NPAS3: variants seen among roughly 807,000 people sequenced by gnomAD.
The protein encoded by NPAS3 is neuronal PAS domain-containing protein 3.
In NPAS3, 14 loss-of-function variants were observed where a neutral mutation model predicts 73.1. The observed-to-expected ratio is 0.19, with a 90% CI of 0.13 to 0.30. The LOEUF (loss-of-function observed/expected upper bound fraction) is 0.30, where lower values mean the gene tolerates loss of function less well. Among genes scored for constraint, NPAS3 ranks in the 10% least tolerant of loss-of-function variants. The pLI is 1.00. For synonymous variants in NPAS3, 620 were observed against 541.5 expected (o/e 1.14, Z -2.01); for missense variants, 1,096 against 1,250.0 (o/e 0.88, Z 1.86).
intron 5 of NPAS3, among the ~76,000 whole-genome samples, chr14:33,662,924 G>T (rs533041023): frequency 3.3e-4 from 43 of 130,238 alleles, no homozygotes; most frequent in African/African-American, 1.2e-3. Flanking sequence ...GCGGTGGCAC[G>T]ATCTCAGCTC....
At chr14:33,254,485 T>C (rs2048703462) in intron 3 of NPAS3, among the ~76,000 whole-genome samples, 2 of 152,124 alleles carry the variant, frequency 1.3e-5, no homozygotes, top group Admixed American at 6.6e-5. Context: ...TCAGCCTGTG[T>C]ACATTTTTAT....
rs144841798 is a variant in NPAS3 at position 33,797,565 on chromosome 14, C to A, written c.1410C>A (p.Asp470Glu). The change falls in exon 11 of 12, where the codon GAC becomes GAA. Residue 470 changes from aspartate to glutamate, a missense_variant. This residue lies in a region of NPAS3 where 114 missense variants were observed against 220.3 expected (regional missense o/e 0.52). Coordinates refer to ENST00000356141, the Ensembl canonical transcript of NPAS3. ...CCGACTCTGAGTCAGACTCTAAAGACACCTCAGGTATTACAGGTATTATTC... is the reference window on the plus strand; with the variant it reads ...CCGACTCTGAGTCAGACTCTAAAGAAACCTCAGGTATTACAGGTATTATTC... 860 of 1,613,974 alleles carry A rather than the reference C, an allele frequency of 5.3e-4. 1 individual carries two copies. The highest frequency in any genetic ancestry group is 6.8e-4 in the Non-Finnish European group (803 of 1,179,946).
chr14:33,545,557 C>CGTGTGT (rs1312936528), intron 4 of NPAS3, among the ~76,000 whole-genome samples: 1 of 152,148 alleles, frequency 6.6e-6, no homozygotes, highest in East Asian at 1.9e-4. Context: ...GTTCAAAGCT[C>CGTGTGT]GTGTGTCCTT....
intron 5 of NPAS3, among the ~76,000 whole-genome samples, chr14:33,662,658 C>T (rs959368933): frequency 6.6e-6 from 1 of 152,050 alleles, no homozygotes; most frequent in Non-Finnish European, 1.5e-5. Context: ...TTGAAGAGGT[C>T]TTTCGCGTCC....
At chr14:33,611,181 C>T (rs1159474810) in intron 5 of NPAS3, 1 of 152,168 alleles carries the variant, frequency 6.6e-6, no homozygotes, top group Non-Finnish European at 1.5e-5. Flanking sequence ...CTATGGCTGC[C>T]ACACAGCACC....
intron 2 of NPAS3, among the ~76,000 whole-genome samples, chr14:33,107,427 T>A (rs570215884): frequency 6.6e-6 from 1 of 152,076 alleles, no homozygotes; most frequent in Non-Finnish European, 1.5e-5. Context: ...TGTCTAGTAG[T>A]TCCCAGTGTC....
intron 4 of NPAS3, among the ~76,000 whole-genome samples, chr14:33,370,878 G>A (rs989637783): frequency 2.6e-5 from 4 of 152,146 alleles, no homozygotes; most frequent in Non-Finnish European, 4.4e-5. Flanking sequence ...GAGAGAAGTC[G>A]AGAGGGATGG....
chr14:33,386,710 A>G (rs2046788846), intron 4 of NPAS3, among the ~76,000 whole-genome samples: 1 of 152,194 alleles, frequency 6.6e-6, no homozygotes. Flanking sequence ...TTTTATCATT[A>G]TAATAGATTT....
intron 1 of NPAS3, among the ~76,000 whole-genome samples, chr14:32,943,604 C>T (rs2036121485): frequency 6.6e-6 from 1 of 152,030 alleles, no homozygotes; most frequent in South Asian, 2.1e-4. Flanking sequence ...TGTAAAGCAA[C>T]ACTTTTGGGG....
At chr14:33,173,617 TATC>T (rs1404009553) in intron 2 of NPAS3, among the ~76,000 whole-genome samples, 3 of 152,214 alleles carry the variant, frequency 2.0e-5, no homozygotes. Context: ...CACCCAATGG[TATC>T]ATACTGAATG....
At chr14:33,670,054 CTT>C (rs2059568393) in intron 5 of NPAS3, among the ~76,000 whole-genome samples, 1 of 152,104 alleles carries the variant, frequency 6.6e-6, no homozygotes, top group African/African-American at 2.4e-5. Context: ...TGCAGTGTCT[CTT>C]TGGGTGCTGC....
At chr14:33,267,357 A>C (rs1236320132) in intron 3 of NPAS3, among the ~76,000 whole-genome samples, 1 of 152,176 alleles carries the variant, frequency 6.6e-6, no homozygotes, top group Non-Finnish European at 1.5e-5. Flanking sequence ...TTTGAAATTT[A>C]ATGCTGCTGA....
intron 5 of NPAS3, among the ~76,000 whole-genome samples, chr14:33,597,990 G>A (rs2057295683): frequency 6.6e-6 from 1 of 152,116 alleles, no homozygotes; most frequent in Non-Finnish European, 1.5e-5. Context: ...TAATTCTGTT[G>A]CAGTCTCTGG....
At chr14:32,986,636 G>A (rs900920620) in intron 1 of NPAS3, among the ~76,000 whole-genome samples, 12 of 151,994 alleles carry the variant, frequency 7.9e-5, no homozygotes, top group African/African-American at 2.2e-4. Context: ...AGTTATTTTC[G>A]GTGTCTCATT....
chr14:33,512,568 G>T (rs138437796), intron 4 of NPAS3, among the ~76,000 whole-genome samples: 37 of 152,176 alleles, frequency 2.4e-4, no homozygotes, highest in African/African-American at 7.9e-4. Flanking sequence ...TCCCTGAGCA[G>T]CTACAGGATA....
chr14:33,437,829 G>C (rs964459903), intron 4 of NPAS3, among the ~76,000 whole-genome samples: 14 of 152,166 alleles, frequency 9.2e-5, no homozygotes, highest in African/African-American at 3.1e-4. Context: ...GATGTGGTAG[G>C]GTAGACCATG....
chr14:33,121,225 C>T (rs10150276), intron 2 of NPAS3, among the ~76,000 whole-genome samples: 2,852 of 152,224 alleles, frequency 0.019, 81 homozygotes, highest in African/African-American at 0.064. Context: ...TGCGATGCTA[C>T]TTCCTCTTCT....
At chr14:32,962,359 G>T (rs1270372524) in intron 1 of NPAS3, among the ~76,000 whole-genome samples, 1 of 151,946 alleles carries the variant, frequency 6.6e-6, no homozygotes, top group East Asian at 1.9e-4. Context: ...CATAAAGCTG[G>T]AACAAGACAA....
chr14:33,626,661 T>C (rs944048418), intron 5 of NPAS3, among the ~76,000 whole-genome samples: 2 of 152,194 alleles, frequency 1.3e-5, no homozygotes, highest in Non-Finnish European at 2.9e-5. Flanking sequence ...ACACCCACCA[T>C]GTGACAGGCA....
Sources: gnomAD v4.1 joint callset for allele counts (sites outside exome capture counted in the v4.1 genomes callset) on GRCh38, gnomAD v4.1.1 for gene constraint, gnomAD v4.1.1 regional missense constraint, MANE v1.5 for transcripts, NCBI Gene and HGNC (gene_info 2026-07-23, HGNC 2026-07-21) for gene names.